The following LRP1-AS variants were observed in gnomAD, a reference collection of about 807,000 sequenced individuals.
The protein encoded by LRP1-AS is LRP1 antisense RNA.
intron 1 of LRP1-AS, chr12:57,147,368 G>T (rs1238619925): frequency 6.6e-6 from 1 of 152,160 alleles, no homozygotes; most frequent in African/African-American, 2.4e-5. Flanking sequence ...CAGTTTCTGG[G>T]TCATCCCCCT....
At chr12:57,146,764 G>A (rs1455147079) in intron 1 of LRP1-AS, 1 of 152,566 alleles carries the variant, frequency 6.6e-6, no homozygotes, top group Non-Finnish European at 1.5e-5. Context: ...GCTGAGCTGG[G>A]GGCTGTCAAG....
intron 1 of LRP1-AS, chr12:57,145,568 G>T (rs545500546): frequency 7.8e-6 from 12 of 1,541,792 alleles, no homozygotes; most frequent in African/African-American, 1.4e-5. Flanking sequence ...TTGAACAGAG[G>T]CCGGGAGTTA....
At chr12:57,146,882 G>T (rs1157040609) in intron 1 of LRP1-AS, among the ~76,000 whole-genome samples, 6 of 152,208 alleles carry the variant, frequency 3.9e-5, no homozygotes, top group African/African-American at 1.2e-4. Context: ...CCTGTTCCTT[G>T]TCCACTGACC....
intron 1 of LRP1-AS, among the ~76,000 whole-genome samples, chr12:57,146,180 A>C (rs1283071014): frequency 6.6e-6 from 1 of 151,848 alleles, no homozygotes; most frequent in East Asian, 1.9e-4. Context: ...CACTGCCGGG[A>C]ACAGCCCTGC....
intron 1 of LRP1-AS, chr12:57,145,215 C>T (rs1457364525): frequency 6.2e-7 from 1 of 1,614,076 alleles, no homozygotes; most frequent in Non-Finnish European, 8.5e-7. Flanking sequence ...CTCTTCTCTT[C>T]CCCATTCCCA....
At chr12:57,146,184 G>A (rs747211301) in intron 1 of LRP1-AS, among the ~76,000 whole-genome samples, 1 of 151,642 alleles carries the variant, frequency 6.6e-6, no homozygotes, top group Non-Finnish European at 1.5e-5. Flanking sequence ...GCCGGGAACA[G>A]CCCTGCCCAT....
At chr12:57,146,171 A>G (rs966003085) in intron 1 of LRP1-AS, among the ~76,000 whole-genome samples, 1 of 152,078 alleles carries the variant, frequency 6.6e-6, no homozygotes, top group East Asian at 1.9e-4. Flanking sequence ...GTGTAGACCC[A>G]CTGCCGGGAA....
chr12:57,145,455 A>G (rs747824674), intron 1 of LRP1-AS: 2 of 1,614,020 alleles, frequency 1.2e-6, no homozygotes. Flanking sequence ...GGCTTCGTGG[A>G]TGAGCACACC....
At chr12:57,147,432 C>T (rs1368460452) in intron 1 of LRP1-AS, 1 of 152,232 alleles carries the variant, frequency 6.6e-6, no homozygotes, top group Non-Finnish European at 1.5e-5. Context: ...TGGTCCCAGG[C>T]ACTCACCTGC....
chr12:57,145,147 T>C (rs569150780), intron 1 of LRP1-AS: 155 of 1,613,446 alleles, frequency 9.6e-5, no homozygotes, highest in Non-Finnish European at 1.3e-4. Context: ...GCCCCCTCAA[T>C]GCTGTTCCCT....
intron 1 of LRP1-AS, chr12:57,145,157 T>A: frequency 6.2e-7 from 1 of 1,613,350 alleles, no homozygotes; most frequent in East Asian, 2.2e-5. Flanking sequence ...TGCTGTTCCC[T>A]GGTGGGTGGT....
chr12:57,145,346 A>G (rs779587545), intron 1 of LRP1-AS: 2 of 1,614,028 alleles, frequency 1.2e-6, no homozygotes, highest in East Asian at 2.2e-5. Flanking sequence ...GACCACAGCC[A>G]TGGACTTCAG....
intron 1 of LRP1-AS, chr12:57,145,490 C>T (rs759623835): frequency 6.8e-6 from 11 of 1,612,032 alleles, no homozygotes; most frequent in East Asian, 2.2e-5. Context: ...CAGTCTGCAC[C>T]GTGAGTCACC....
At chr12:57,146,568 G>A (rs1485090780) in intron 1 of LRP1-AS, 1 of 152,194 alleles carries the variant, frequency 6.6e-6, no homozygotes, top group Non-Finnish European at 1.5e-5. Flanking sequence ...ATTCATTCTG[G>A]GAGAGAGAAA....
At chr12:57,145,899 G>A (rs1175787288) in intron 1 of LRP1-AS, among the ~76,000 whole-genome samples, 1 of 152,128 alleles carries the variant, frequency 6.6e-6, no homozygotes, top group Non-Finnish European at 1.5e-5. Flanking sequence ...AGGAGCTGGG[G>A]CCCAGCTGCT....
chr12:57,145,029 G>A lies in LRP1-AS; in HGVS notation n.236C>T, dbSNP rs201406588. 206 of 1,613,932 alleles carry A rather than the reference G, an allele frequency of 1.3e-4. No homozygotes were observed. The highest frequency in any genetic ancestry group is 1.4e-4 in the Non-Finnish European group (160 of 1,180,028). On this transcript the variant is annotated non_coding_transcript_exon_variant, in exon 2 of 2. Transcript: ENST00000555461. Reference sequence around the variant, plus strand: ...AGCCAGCTATGCACCAACACAGACGGCTCCTTCATATGTGGCTGTGTTGAA... The same window carrying A: ...AGCCAGCTATGCACCAACACAGACGACTCCTTCATATGTGGCTGTGTTGAA...
At chr12:57,145,430 A>C (rs1157863712) in intron 1 of LRP1-AS, 2 of 1,614,082 alleles carry the variant, frequency 1.2e-6, no homozygotes, top group Non-Finnish European at 1.7e-6. Flanking sequence ...GTGTGCCCGC[A>C]TGCCTGGCCT....
intron 1 of LRP1-AS, chr12:57,145,148 G>T: frequency 6.2e-7 from 1 of 1,613,508 alleles, no homozygotes; most frequent in Non-Finnish European, 8.5e-7. Context: ...CCCCCTCAAT[G>T]CTGTTCCCTG....
chr12:57,144,733 G>A (rs2035364366), exon 2 of LRP1-AS: 2 of 547,952 alleles, frequency 3.6e-6, no homozygotes, highest in Non-Finnish European at 6.5e-6. Context: ...CCATAGTAGG[G>A]ACTCAATAAA....
Sources: allele counts gnomAD v4.1 joint callset (sites outside exome capture counted in the v4.1 genomes callset), GRCh38; gene constraint gnomAD v4.1.1; transcripts MANE v1.5; gene names NCBI Gene and HGNC (gene_info 2026-07-23, HGNC 2026-07-21).